The following ESRRG variants were observed in gnomAD, a reference collection of about 807,000 sequenced individuals.
ESRRG encodes the protein estrogen related receptor gamma.
In ESRRG, 13 loss-of-function variants were observed where a neutral mutation model predicts 44.0. The ratio of observed to expected loss-of-function variants is 0.30; its 90% CI spans 0.19 to 0.47. ESRRG has a LOEUF of 0.47. Among genes scored for constraint, ESRRG ranks in the 20% least tolerant of loss-of-function variants. The pLI is 1.00. For synonymous variants in ESRRG, 215 were observed against 214.6 expected (o/e 1.00, Z -0.02); for missense variants, 395 against 580.6 (o/e 0.68, Z 3.29).
At chr1:217,042,703 C>A (rs535161949) in intron 1 of ESRRG, among the ~76,000 whole-genome samples, 1 of 151,494 alleles carries the variant, frequency 6.6e-6, no homozygotes, top group Admixed American at 6.6e-5. Flanking sequence ...ATAAACAGTC[C>A]GAGCTAAAAT....
At chr1:216,706,357 AGT>A (rs1009605293) in intron 1 of ESRRG, among the ~76,000 whole-genome samples, 16 of 152,228 alleles carry the variant, frequency 1.1e-4, no homozygotes, top group African/African-American at 3.6e-4. Flanking sequence ...TCATGTCTGC[AGT>A]GCTTACATAA....
chr1:216,583,869 T>C (rs2063265087), intron 3 of ESRRG, among the ~76,000 whole-genome samples: 1 of 152,110 alleles, frequency 6.6e-6, no homozygotes, highest in Non-Finnish European at 1.5e-5. Flanking sequence ...GCAGGGGAAC[T>C]CCTCTTTTTA....
intron 2 of ESRRG, among the ~76,000 whole-genome samples, chr1:216,897,169 A>T (rs1390321436): frequency 6.6e-6 from 1 of 152,206 alleles, no homozygotes; most frequent in African/African-American, 2.4e-5. Flanking sequence ...AGGAGGAAAG[A>T]AAATGTACAA....
chr1:216,893,150 T>A (rs925756768), intron 2 of ESRRG, among the ~76,000 whole-genome samples: 1 of 152,170 alleles, frequency 6.6e-6, no homozygotes, highest in African/African-American at 2.4e-5. Flanking sequence ...CTTCCAAGCT[T>A]TTGTTCATGG....
At chr1:216,993,753 A>T (rs929187564) in intron 1 of ESRRG, among the ~76,000 whole-genome samples, 1 of 152,144 alleles carries the variant, frequency 6.6e-6, no homozygotes, top group African/African-American at 2.4e-5. Flanking sequence ...TATTGGGTAG[A>T]GATTGCGCTC....
At chr1:217,114,693 C>T (rs1358223797) in intron 1 of ESRRG, among the ~76,000 whole-genome samples, 17 of 114,968 alleles carry the variant, frequency 1.5e-4, no homozygotes, top group African/African-American at 4.4e-4. Context: ...TTTTTTGAGA[C>T]GGAGTCTTGC....
At chr1:216,963,670 G>A (rs1047866607) in intron 1 of ESRRG, among the ~76,000 whole-genome samples, 3 of 152,094 alleles carry the variant, frequency 2.0e-5, no homozygotes, top group African/African-American at 7.2e-5. Flanking sequence ...GCCACGCAGT[G>A]GTGTCCTTAG....
chr1:216,652,617 C>A (rs1342331371), intron 2 of ESRRG, among the ~76,000 whole-genome samples: 1 of 152,084 alleles, frequency 6.6e-6, no homozygotes, highest in Non-Finnish European at 1.5e-5. Context: ...GAGTAATATT[C>A]ATTGCATCAA....
rs1366887390 is a variant in ESRRG at position 216,505,272 on chromosome 1, C to T, written c.*1667G>A. ...TCTAATTGATTTCTTCATTAGATTA[C>T]ACCTCTTAACAGTCTGGAACCTGAC... On this transcript the variant is annotated 3_prime_UTR_variant, in exon 7 of 7. Coordinates refer to ENST00000408911, the MANE Select transcript of ESRRG (RefSeq NM_001438.4). 1 of 152,582 alleles carries T rather than the reference C, an allele frequency of 6.6e-6. No homozygotes were observed. The highest frequency in any genetic ancestry group is 2.4e-5 in the African/African-American group (1 of 41,438). 9.5% of individuals were successfully genotyped at this position (152,582 alleles called of 1,614,324 possible).
intron 2 of ESRRG, among the ~76,000 whole-genome samples, chr1:216,884,434 T>A (rs1213023974): frequency 1.3e-5 from 2 of 152,212 alleles, no homozygotes; most frequent in Non-Finnish European, 2.9e-5. Context: ...AACATTATCT[T>A]TGTTTTTAGA....
intron 2 of ESRRG, among the ~76,000 whole-genome samples, chr1:216,936,992 C>T (rs539113446): frequency 5.3e-5 from 8 of 152,224 alleles, no homozygotes; most frequent in African/African-American, 1.9e-4. Context: ...AACATCCCCC[C>T]TGCAGACTGG....
intron 1 of ESRRG, among the ~76,000 whole-genome samples, chr1:217,012,665 T>C: frequency 6.6e-6 from 1 of 152,198 alleles, no homozygotes; most frequent in Non-Finnish European, 1.5e-5. Context: ...CTCTCCCCAC[T>C]GGCCTCCCAC....
At chr1:216,871,096 C>G (rs951412059) in intron 2 of ESRRG, among the ~76,000 whole-genome samples, 1 of 151,854 alleles carries the variant, frequency 6.6e-6, no homozygotes, top group African/African-American at 2.4e-5. Flanking sequence ...AACTGAAGAT[C>G]TTTCTTATTT....
At chr1:216,592,710 G>A (rs1250602496) in intron 3 of ESRRG, among the ~76,000 whole-genome samples, 1 of 152,092 alleles carries the variant, frequency 6.6e-6, no homozygotes, top group Non-Finnish European at 1.5e-5. Flanking sequence ...ATCTTGGCCT[G>A]GCTGTTCTCA....
intron 3 of ESRRG, among the ~76,000 whole-genome samples, chr1:216,574,220 C>A (rs1170379674): frequency 6.6e-6 from 1 of 152,140 alleles, no homozygotes; most frequent in Non-Finnish European, 1.5e-5. Flanking sequence ...GCATTACCTA[C>A]CTACCAGAAT....
At chr1:216,591,116 G>A (rs1325850016) in intron 3 of ESRRG, among the ~76,000 whole-genome samples, 3 of 152,178 alleles carry the variant, frequency 2.0e-5, no homozygotes, top group Admixed American at 6.5e-5. Flanking sequence ...GATAGCTTCA[G>A]AATTAGGGCT....
intron 2 of ESRRG, among the ~76,000 whole-genome samples, chr1:216,848,244 T>G (rs560948511): frequency 2.0e-5 from 3 of 152,110 alleles, no homozygotes; most frequent in African/African-American, 7.2e-5. Flanking sequence ...TCAAGTATGC[T>G]TCTGGGGTGG....
chr1:216,599,782 C>T (rs2058946909), intron 3 of ESRRG, among the ~76,000 whole-genome samples: 1 of 151,314 alleles, frequency 6.6e-6, no homozygotes, highest in Admixed American at 6.6e-5. Flanking sequence ...TGGCTCGGGC[C>T]TGCTGCTTAT....
chr1:216,920,216 G>C (rs752364420), intron 2 of ESRRG, among the ~76,000 whole-genome samples: 20 of 152,148 alleles, frequency 1.3e-4, no homozygotes, highest in African/African-American at 4.8e-4. Context: ...GATTGTGGAC[G>C]TAAAGCCTTC....
Sources: allele counts gnomAD v4.1 joint callset (sites outside exome capture counted in the v4.1 genomes callset), GRCh38; gene constraint gnomAD v4.1.1; transcripts MANE v1.5; gene names NCBI Gene and HGNC (gene_info 2026-07-23, HGNC 2026-07-21).